The following AP1G2 variants were observed in gnomAD, a reference collection of about 807,000 sequenced individuals.
AP1G2 encodes AP-1 complex subunit gamma-like 2.
Under a neutral mutation model 95.8 loss-of-function variants are expected in AP1G2, and 85 were observed. The observed-to-expected ratio is 0.89, with a 90% CI of 0.74 to 1.06. AP1G2 has a LOEUF of 1.06. Among genes scored for constraint, AP1G2 ranks in the 50% least tolerant of loss-of-function variants. The pLI, the probability that AP1G2 is intolerant of heterozygous loss-of-function variation, is 0.00. For synonymous variants in AP1G2, 378 were observed against 400.0 expected, an observed-to-expected ratio of 0.94 and a Z score of 0.66; for missense variants, 967 against 1,005.8, an observed-to-expected ratio of 0.96 and a Z score of 0.52.
At position 23,565,839 on chromosome 14, in the gene AP1G2, C is replaced by A; in HGVS notation, c.622G>T (p.Ala208Ser). ...LITELCERSP[A>S]ALRHFRKVVP... ...ACCTTTCGGAAGTGCCTGAGGGCTG[C>A]AGGGCTTCGTTCGCAGAGCTCCGTG... The change falls in exon 6 of 22, where the codon GCA becomes TCA. Residue 208 changes from alanine (A) to serine (S), a missense_variant. Coordinates refer to ENST00000397120, the MANE Select transcript of AP1G2 (RefSeq NM_003917.5). The A allele has an allele frequency of 6.3e-7, 1 of 1,577,100 alleles. No individual in the cohort carries two copies. The highest frequency in any genetic ancestry group is 1.2e-5 in the South Asian group (1 of 84,486).
chr14:23,561,032 AG>A (rs1884285132), intron 19 of AP1G2: 7 of 1,125,522 alleles, frequency 6.2e-6, no homozygotes, highest in Middle Eastern at 3.5e-4. Flanking sequence ...GGAGCTGAGA[AG>A]GGGGCAGTGA....
At position 23,559,741 on chromosome 14, in the gene AP1G2, G is replaced by A. The variant is rs1317468196; in HGVS notation, c.*8C>T. The A allele has an allele frequency of 6.2e-6, 10 of 1,613,620 alleles. No homozygotes were observed. Among genetic ancestry groups the A allele is most frequent in the Non-Finnish European group, 8.5e-6 (10 of 1,179,722 alleles). On this transcript the variant is annotated 3_prime_UTR_variant, in exon 22 of 22. Coordinates refer to ENST00000397120, the MANE Select transcript of AP1G2 (RefSeq NM_003917.5). ...CACAGGAGAATTTCAGGCTGTGAGT[G>A]GAGACAGTTACTGCCACGATTCCAC...
At chr14:23,560,665 C>T (rs1375204401) in intron 19 of AP1G2, 5 of 273,322 alleles carry the variant, frequency 1.8e-5, no homozygotes, top group Non-Finnish European at 2.8e-5. Context: ...ACCTGAGGCC[C>T]GGACTTGGGA....
At chr14:23,560,893 T>TG (rs1174701497) in intron 19 of AP1G2, 1 of 161,052 alleles carries the variant, frequency 6.2e-6, no homozygotes, top group Non-Finnish European at 1.2e-5. Context: ...TAAATAGGAG[T>TG]GGTAGGGGAA....
In AP1G2 at chr14:23,567,266, C is replaced by T. The variant is rs768840060; in HGVS notation, c.49G>A (p.Gly17Arg). ...KLQDLIEEIR[G>R]AKTQAQEREV... ...CGCTCCTGGGCCTGAGTCTTGGCCC[C>T]GCGAATCTCTTCGATGAGGTCCTGA... Residue 17 changes from glycine to arginine, a missense_variant, in exon 2 of 22, where the codon GGG becomes AGG. Gly to Arg is a moderately radical substitution (Grantham distance 125, BLOSUM62 -2). Transcript: ENST00000397120. The surrounding 1 kb of genome is among the most constrained non-coding windows in gnomAD (Gnocchi z 5.3). 8 of 1,613,144 alleles carry T rather than the reference C, an allele frequency of 5.0e-6. No homozygotes were observed. In the South Asian group the frequency reaches 8.8e-5, roughly 18 times the overall value.
chr14:23,565,344 T>C lies in AP1G2; in HGVS notation c.742-145A>G, dbSNP rs1273120368. 4.5e-6 allele frequency: 4 copies of C among 880,984 alleles called. No homozygotes were observed. In the African/African-American group the frequency reaches 6.7e-5, roughly 15 times the overall value. 54.6% of individuals were successfully genotyped at this position (880,984 alleles called of 1,614,324 possible). ...CTCACCTCCACAGGTCCCTTGGTCC[T>C]AGGAGGGGAACAGAGGTGTGTGAGG... On this transcript the variant is annotated intron_variant, in intron 7 of 21. Transcript: ENST00000397120.
chr14:23,559,823 T>G lies in AP1G2; in HGVS notation c.2284A>C (p.Thr762Pro). Residue 762 changes from threonine (T) to proline (P), a missense_variant, in exon 22 of 22, where the codon ACC becomes CCC. By Grantham distance (38) the Thr-to-Pro change is conservative. Transcript: ENST00000397120. Reference sequence around the variant, plus strand: ...ACCGACTGGTGAAAGTGGTCGTAGGTGAGGCGCAGCTTTAGCCGCAGGGGG... The same window carrying G: ...ACCGACTGGTGAAAGTGGTCGTAGGGGAGGCGCAGCTTTAGCCGCAGGGGG... ...KAPLRLKLRLTYDHFHQSVQE... is the reference protein window; with the variant it reads ...KAPLRLKLRLPYDHFHQSVQE... 6.2e-7 allele frequency: 1 copy of G among 1,614,102 alleles called. No individual in the cohort carries two copies. Among genetic ancestry groups the G allele is most frequent in the Non-Finnish European group, 8.5e-7 (1 of 1,180,014 alleles).
rs775655240 is a variant in AP1G2, at chr14:23,560,404, G to A, written c.2008C>T (p.Leu670Phe). 7.4e-6 allele frequency: 12 copies of A among 1,613,600 alleles called. No homozygotes were observed. In the East Asian group the frequency reaches 2.5e-4, roughly 33 times the overall value. Residue 670 changes from leucine (L) to phenylalanine (F), a missense_variant, in exon 20 of 22, where the codon CTC (leucine) becomes TTC (phenylalanine). By Grantham distance (22) the Leu-to-Phe change is conservative. Coordinates refer to ENST00000397120, the MANE Select transcript of AP1G2 (RefSeq NM_003917.5). The stretch of plus-strand genomic sequence containing the variant: ...ACTCCCTCACGCTCAAACACTTTGA[G>A]ATCTGGGATGGGAGCTGGAGTAGGG... ...VPPPPAPIPD[L>F]KVFEREGVQL...
Position 23,561,969 on chromosome 14 carries a change from G to A in AP1G2, c.1726C>T (p.His576Tyr), listed in dbSNP as rs771300290. 6.2e-7 allele frequency: 1 copy of A among 1,609,838 alleles called. No homozygotes were observed. Among genetic ancestry groups the A allele is most frequent in the Admixed American group, 1.7e-5 (1 of 59,534 alleles). Residue 576 changes from histidine to tyrosine, a missense_variant, in exon 17 of 22, where the codon CAC (histidine) becomes TAC (tyrosine). Physicochemically the swap from His to Tyr is moderately conservative, Grantham distance 83. Coordinates refer to ENST00000397120, the MANE Select transcript of AP1G2 (RefSeq NM_003917.5). ...GCACAGTGCTGGACACACCTCATGT[G>A]GTCGTATTTCCGGAAGAGTGTGTCA... ...EYDTLFRKYD[H>Y]MRAAILEKMP...
Position 23,562,410 on chromosome 14 carries a change from G to A in AP1G2, c.1506C>T (p.Asp502=), listed in dbSNP as rs955949420. The A allele has an allele frequency of 8.1e-6, 13 of 1,614,020 alleles. No individual in the cohort carries two copies. Among genetic ancestry groups the A allele is most frequent in the African/African-American group, 5.3e-5 (4 of 74,910 alleles). ...NCEEIEPLQV[D]EEEVLALLEK... ...CCAGCAATGCCAGCACTTCCTCTTC[G>A]TCCACCTTCAGACATGGATACAGTT... The change falls in exon 16 of 22, where the codon GAC becomes GAT. Residue 502 remains aspartate (D), a synonymous_variant. Transcript: ENST00000397120.
intron 2 of AP1G2, 50 bp from the exon 3 acceptor site, chr14:23,566,736 A>G (rs754676568): frequency 1.2e-6 from 2 of 1,601,914 alleles, no homozygotes; most frequent in Non-Finnish European, 8.5e-7. Context: ...AACCATAGAC[A>G]CTCACATCCC....
chr14:23,563,750 C>G lies in AP1G2; in HGVS notation c.1198G>C (p.Asp400His). The G allele has an allele frequency of 6.2e-7, 1 of 1,614,208 alleles. No homozygotes were observed. Among genetic ancestry groups the G allele is most frequent in the Non-Finnish European group, 8.5e-7 (1 of 1,180,026 alleles). The change falls in exon 12 of 22, where the codon GAC becomes CAC. Residue 400 changes from aspartate to histidine, a missense_variant. Physicochemically the swap from Asp to His is moderately conservative, Grantham distance 81. Coordinates refer to ENST00000397120, the MANE Select transcript of AP1G2 (RefSeq NM_003917.5). ...GCCAGCAGGATGCCTGAGGCACAGT[C>G]AGCCCGTAGGTCAGGAGGGCAGGAC... is the stretch of plus-strand genomic sequence containing the variant. ...LESCPPDLRA[D>H]CASGILLAAE...
Position 23,566,593 on chromosome 14 carries a change from C to G in AP1G2, c.298G>C (p.Ala100Pro). Residue 100 changes from alanine to proline, a missense_variant, in exon 3 of 22, where the codon GCC becomes CCC. Coordinates refer to ENST00000397120, the MANE Select transcript of AP1G2 (RefSeq NM_003917.5). ...ATGCTGTTGGTAATGAGCAGGTGGG[C>G]ATCGTGCCTCTCATCCAATAGAAGC... ...AMLLLDERHD[A>P]HLLITNSIKN... The G allele has an allele frequency of 6.2e-7, 1 of 1,614,176 alleles. No homozygotes were observed. The highest frequency in any genetic ancestry group is 1.1e-5 in the South Asian group (1 of 91,084).
chr14:23,562,343 C>G lies in AP1G2; in HGVS notation c.1573G>C (p.Gly525Arg). The G allele has an allele frequency of 6.2e-7, 1 of 1,614,184 alleles. No homozygotes were observed. Among genetic ancestry groups the G allele is most frequent in the Non-Finnish European group, 8.5e-7 (1 of 1,180,024 alleles). ...TTCATGAGGGCTGTGAGGGCATATCCTCGAGTGGCTGGCAGGGACATGTGG... is the reference window on the plus strand; with the variant it reads ...TTCATGAGGGCTGTGAGGGCATATCGTCGAGTGGCTGGCAGGGACATGTGG... ...QSHMSLPATRGYALTALMKLS... is the reference protein window; with the variant it reads ...QSHMSLPATRRYALTALMKLS... Residue 525 changes from glycine to arginine, a missense_variant, in exon 16 of 22, where the codon GGA becomes CGA. Transcript: ENST00000397120.
At chr14:23,565,772 G>T (rs1438355607) in intron 6 of AP1G2, 44 bp downstream of exon 6, 2 of 1,605,176 alleles carry the variant, frequency 1.2e-6, no homozygotes, top group Non-Finnish European at 1.7e-6. Flanking sequence ...CTTCCCCACT[G>T]ACCCTGTCTT....
chr14:23,560,297 C>T lies in AP1G2; in HGVS notation c.2115G>A (p.Glu705=). ...LITITATNFS[E]GDVTHFICQA... ...GGCAGATGAAATGGGTGACATCACC[C>T]TCTGAGAAGTTGGTGGCAGTGATGG... is the stretch of plus-strand genomic sequence containing the variant. The change falls in exon 20 of 22, where the codon GAG becomes GAA. Residue 705 remains glutamate (E), a synonymous_variant. Transcript: ENST00000397120. The T allele has an allele frequency of 6.2e-7, 1 of 1,614,046 alleles. No homozygotes were observed. The highest frequency in any genetic ancestry group is 8.5e-7 in the Non-Finnish European group (1 of 1,180,034).
At chr14:23,563,528 CA>C in intron 13 of AP1G2, 26 bp from the exon 14 acceptor site, 1 of 1,614,242 alleles carries the variant, frequency 6.2e-7, no homozygotes, top group Non-Finnish European at 8.5e-7. Flanking sequence ...ATGGCCAAGT[CA>C]GTGTGGTGAA....
At chr14:23,566,200 T>C in intron 4 of AP1G2, 40 bp from the exon 5 acceptor site, 1 of 1,596,260 alleles carries the variant, frequency 6.3e-7, no homozygotes. Context: ...TCAGAGGAGA[T>C]GGACCCCTGC....
At position 23,565,600 on chromosome 14, in the gene AP1G2, C is replaced by G. The variant is rs201482707; in HGVS notation, c.741+6G>C. 2.5e-6 allele frequency: 4 copies of G among 1,611,300 alleles called. No individual in the cohort carries two copies. The highest frequency in any genetic ancestry group is 2.5e-6 in the Non-Finnish European group (3 of 1,177,682). ...CCAGGGATACAGCAGTGAAAGGTCA[C>G]CCCACCTGCAGGAAGGGGTCGCTGA... On this transcript the variant is annotated splice_donor_region_variant and intron_variant, in intron 7 of 21. Coordinates refer to ENST00000397120, the MANE Select transcript of AP1G2 (RefSeq NM_003917.5).
Sources: allele counts gnomAD v4.1 joint callset, GRCh38; gene constraint gnomAD v4.1.1; non-coding constraint Gnocchi (gnomAD v3.1); transcripts MANE v1.5; gene names NCBI Gene and HGNC (gene_info 2026-07-23, HGNC 2026-07-21).